The following KCTD8 variants were observed in gnomAD, a reference collection of about 807,000 sequenced individuals.
KCTD8 encodes the protein BTB/POZ domain-containing protein KCTD8.
Under a neutral mutation model 31.5 loss-of-function variants are expected in KCTD8, and 27 were observed. The ratio of observed to expected loss-of-function variants is 0.86; its 90% CI spans 0.63 to 1.18. The LOEUF is 1.18. Among genes scored for constraint, KCTD8 ranks in the 50% most tolerant of loss-of-function variants. The probability of loss-of-function intolerance (pLI) is 0.00; values close to 1 mark genes in which losing one functional copy is unlikely to be tolerated. For missense variants in KCTD8, 658 were observed against 647.7 expected, an observed-to-expected ratio of 1.02 and a Z score of -0.17; for synonymous variants, 290 against 280.0, an observed-to-expected ratio of 1.04 and a Z score of -0.36.
chr4:44,438,676 C>A (rs371090166), intron 1 of KCTD8, among the ~76,000 whole-genome samples: 3 of 152,214 alleles, frequency 2.0e-5, no homozygotes, highest in African/African-American at 7.2e-5. Context: ...ATAACAGGAC[C>A]TTTTCAGGGC....
At chr4:44,357,754 GA>G (rs1361636857) in intron 1 of KCTD8, among the ~76,000 whole-genome samples, 3 of 151,854 alleles carry the variant, frequency 2.0e-5, no homozygotes, top group Admixed American at 1.3e-4. Flanking sequence ...TTTAAGTAGA[GA>G]TTTTTTTTCA....
intron 1 of KCTD8, among the ~76,000 whole-genome samples, chr4:44,445,315 T>C (rs1281688668): frequency 6.6e-6 from 1 of 152,198 alleles, no homozygotes; most frequent in Non-Finnish European, 1.5e-5. Flanking sequence ...ACGACTAGCT[T>C]ACCACTTCAA....
At chr4:44,395,955 T>C (rs1196792583) in intron 1 of KCTD8, among the ~76,000 whole-genome samples, 2 of 152,120 alleles carry the variant, frequency 1.3e-5, no homozygotes, top group Non-Finnish European at 2.9e-5. Context: ...AGTACATTAA[T>C]TGTACACTTT....
At chr4:44,199,742 A>G (rs1004251559) in intron 1 of KCTD8, among the ~76,000 whole-genome samples, 6 of 152,118 alleles carry the variant, frequency 3.9e-5, no homozygotes, top group African/African-American at 1.4e-4. Flanking sequence ...ACCTAGAGGA[A>G]CTAGAAAACA....
chr4:44,429,645 T>C (rs1721426893), intron 1 of KCTD8, among the ~76,000 whole-genome samples: 1 of 151,840 alleles, frequency 6.6e-6, no homozygotes, highest in South Asian at 2.1e-4. Context: ...TTTGTGGCCA[T>C]GTCATTATTG....
At chr4:44,439,242 C>A (rs971525478) in intron 1 of KCTD8, among the ~76,000 whole-genome samples, 1 of 152,022 alleles carries the variant, frequency 6.6e-6, no homozygotes, top group African/African-American at 2.4e-5. Flanking sequence ...TGAAATCAAC[C>A]AAAATAACAA....
chr4:44,303,297 C>T (rs1231842062), intron 1 of KCTD8, among the ~76,000 whole-genome samples: 3 of 152,008 alleles, frequency 2.0e-5, no homozygotes, highest in African/African-American at 7.3e-5. Flanking sequence ...AGGAATGGTA[C>T]CAGTTCCTCC....
intron 1 of KCTD8, among the ~76,000 whole-genome samples, chr4:44,262,632 C>A (rs535513501): frequency 3.7e-4 from 57 of 152,064 alleles, no homozygotes; most frequent in African/African-American, 1.4e-3. Flanking sequence ...CATTAAATTT[C>A]ATTTGAATTA....
chr4:44,243,339 A>G (rs1295052392), intron 1 of KCTD8, among the ~76,000 whole-genome samples: 1 of 152,216 alleles, frequency 6.6e-6, no homozygotes, highest in East Asian at 1.9e-4. Context: ...TACAAATGTT[A>G]TATTTACTGT....
intron 1 of KCTD8, among the ~76,000 whole-genome samples, chr4:44,396,210 C>T (rs555666110): frequency 6.6e-6 from 1 of 152,038 alleles, no homozygotes; most frequent in Non-Finnish European, 1.5e-5. Context: ...TCCTATGAGA[C>T]TCTAATGCAG....
At chr4:44,325,071 C>T (rs944414635) in intron 1 of KCTD8, among the ~76,000 whole-genome samples, 2 of 151,968 alleles carry the variant, frequency 1.3e-5, no homozygotes, top group Non-Finnish European at 1.5e-5. Context: ...AGAATTTCTA[C>T]GTGTTGCTTA....
chr4:44,270,317 C>G (rs1369845938), intron 1 of KCTD8, among the ~76,000 whole-genome samples: 1 of 143,698 alleles, frequency 7.0e-6, no homozygotes, highest in African/African-American at 2.6e-5. Context: ...TGCATGTTCT[C>G]ACTCATAGAT....
Position 44,447,749 on chromosome 4 carries a change from C to A in KCTD8, c.775G>T (p.Asp259Tyr). Residue 259 changes from aspartate to tyrosine, a missense_variant, in exon 1 of 2, where the codon GAC becomes TAC. Physicochemically the swap from Asp to Tyr is radical, Grantham distance 160. Coordinates refer to ENST00000360029, the MANE Select transcript of KCTD8 (RefSeq NM_198353.3). ...GACGTGTACTTCTCCGGCTGCCGGT[C>A]GGGGTCGCGGCTCTCGTTGAGCGTG... is the stretch of plus-strand genomic sequence containing the variant. The part of the protein sequence containing the change: ...GDTLNESRDP[D>Y]RQPEKYTSRF... The A allele has an allele frequency of 6.2e-7, 1 of 1,611,918 alleles. No individual in the cohort carries two copies. The highest frequency in any genetic ancestry group is 8.5e-7 in the Non-Finnish European group (1 of 1,179,120).
intron 1 of KCTD8, among the ~76,000 whole-genome samples, chr4:44,255,525 T>C (rs1715965615): frequency 6.6e-6 from 1 of 151,936 alleles, no homozygotes. Context: ...ATTTAAATAT[T>C]TCACAGATCT....
intron 1 of KCTD8, among the ~76,000 whole-genome samples, chr4:44,358,481 C>T (rs941388025): frequency 1.3e-5 from 2 of 152,086 alleles, no homozygotes; most frequent in African/African-American, 4.8e-5. Flanking sequence ...CTGTCTTCCA[C>T]AATGGTTGAA....
intron 1 of KCTD8, among the ~76,000 whole-genome samples, chr4:44,421,489 C>T (rs1284860743): frequency 3.9e-5 from 6 of 152,060 alleles, no homozygotes; most frequent in Admixed American, 3.9e-4. Context: ...GACATATGAA[C>T]CTTTTAACAA....
intron 1 of KCTD8, among the ~76,000 whole-genome samples, chr4:44,223,276 T>C (rs1714859674): frequency 6.6e-6 from 1 of 152,158 alleles, no homozygotes; most frequent in African/African-American, 2.4e-5. Flanking sequence ...GCAATTAAGA[T>C]AGAGAACACT....
intron 1 of KCTD8, among the ~76,000 whole-genome samples, chr4:44,182,417 G>A (rs1396062946): frequency 6.6e-6 from 1 of 152,228 alleles, no homozygotes; most frequent in African/African-American, 2.4e-5. Context: ...AAGTAGACAT[G>A]GGAGACTTCA....
intron 1 of KCTD8, among the ~76,000 whole-genome samples, chr4:44,371,025 G>A (rs912736556): frequency 6.6e-6 from 1 of 152,286 alleles, no homozygotes; most frequent in Admixed American, 6.5e-5. Context: ...AGGCAGTGGT[G>A]AAATTCAGAC....
Sources: allele counts gnomAD v4.1 joint callset (sites outside exome capture counted in the v4.1 genomes callset), GRCh38; gene constraint gnomAD v4.1.1; transcripts MANE v1.5; gene names NCBI Gene and HGNC (gene_info 2026-07-23, HGNC 2026-07-21).